The following WDR1 variants were observed in gnomAD, a reference collection of about 807,000 sequenced individuals.
The protein encoded by WDR1 is WD repeat-containing protein 1.
In WDR1, 21 loss-of-function variants were observed where a neutral mutation model predicts 71.9. The observed-to-expected ratio is 0.29, with a 90% CI of 0.21 to 0.42. The LOEUF is 0.42. Among genes scored for constraint, WDR1 ranks in the 10% least tolerant of loss-of-function variants. WDR1 has a pLI of 1.00. For synonymous variants in WDR1, 424 were observed against 347.4 expected, an observed-to-expected ratio of 1.22 and a Z score of -2.45; for missense variants, 696 against 824.5, an observed-to-expected ratio of 0.84 and a Z score of 1.91.
intron 12 of WDR1, 68 bp from the exon 13 acceptor site, chr4:10,077,994 G>C (rs555188179): frequency 1.7e-5 from 25 of 1,466,120 alleles, no homozygotes; most frequent in African/African-American, 2.8e-5. Flanking sequence ...CTTTGTGAAG[G>C]GGGGGTCGAG....
intron 5 of WDR1, chr4:10,091,662 A>T (rs1711994943): frequency 6.6e-6 from 1 of 152,346 alleles, no homozygotes; most frequent in African/African-American, 2.4e-5. Context: ...CTAACTCCGC[A>T]GGCCCATTTG....
intron 2 of WDR1, among the ~76,000 whole-genome samples, chr4:10,108,855 A>G (rs541416474): frequency 6.6e-6 from 1 of 151,938 alleles, no homozygotes; most frequent in East Asian, 1.9e-4. Flanking sequence ...CTGAACCCCC[A>G]CCTTCCCTGA....
chr4:10,075,735 C>A, intron 14 of WDR1: 2 of 559,606 alleles, frequency 3.6e-6, no homozygotes, highest in South Asian at 4.2e-5. Context: ...CCTGGCTCCA[C>A]CTACAGATGC....
At chr4:10,115,987 AG>A in intron 2 of WDR1, 125 bp downstream of exon 2, 2 of 1,323,942 alleles carry the variant, frequency 1.5e-6, no homozygotes, top group Non-Finnish European at 1.0e-6. Flanking sequence ...CTCCCGGTAG[AG>A]GGGGCGTGGC....
chr4:10,088,456 G>C, intron 6 of WDR1, 83 bp from the exon 7 acceptor site: 1 of 1,385,990 alleles, frequency 7.2e-7, no homozygotes, highest in Non-Finnish European at 1.0e-6. Context: ...TGTGGCTGTA[G>C]AAAACCGGGG....
intron 2 of WDR1, among the ~76,000 whole-genome samples, chr4:10,106,123 G>A (rs1031314673): frequency 4.0e-5 from 6 of 151,828 alleles, no homozygotes; most frequent in East Asian, 1.9e-4. Flanking sequence ...TGGCGGGGGC[G>A]GGGGGCACCC....
chr4:10,089,329 A>G (rs551924067), intron 5 of WDR1, among the ~76,000 whole-genome samples: 2 of 152,328 alleles, frequency 1.3e-5, no homozygotes, highest in East Asian at 3.9e-4. Flanking sequence ...GGATGGTCTC[A>G]GTATCCTGAC....
chr4:10,095,700 C>T (rs1712302354), intron 5 of WDR1, among the ~76,000 whole-genome samples: 1 of 152,216 alleles, frequency 6.6e-6, no homozygotes, highest in African/African-American at 2.4e-5. Flanking sequence ...TGAGTCCGCA[C>T]ATGTCTCCTG....
intron 2 of WDR1, among the ~76,000 whole-genome samples, chr4:10,112,340 C>T (rs1171472821): frequency 1.3e-5 from 2 of 152,188 alleles, no homozygotes; most frequent in Non-Finnish European, 2.9e-5. Context: ...CTATCCATCC[C>T]TTCTCCGTGG....
chr4:10,081,449 T>C lies in WDR1; in HGVS notation c.1197-5A>G, dbSNP rs1765010879. The C allele has an allele frequency of 6.8e-6, 11 of 1,613,358 alleles. No homozygotes were observed. Among genetic ancestry groups the C allele is most frequent in the Non-Finnish European group, 8.5e-6 (10 of 1,179,580 alleles). Reference sequence around the variant, plus strand: ...AGTTTCACAACTCCTTGTCCGCTGTTAGAGAGAAAGGAAGCACATTACTTC... The same window carrying C: ...AGTTTCACAACTCCTTGTCCGCTGTCAGAGAGAAAGGAAGCACATTACTTC... On this transcript the variant is annotated splice_polypyrimidine_tract_variant and splice_region_variant and intron_variant, in intron 10 of 14. Transcript: ENST00000499869.
intron 11 of WDR1, among the ~76,000 whole-genome samples, chr4:10,080,633 C>T (rs950364078): frequency 4.6e-5 from 7 of 152,248 alleles, no homozygotes; most frequent in African/African-American, 1.7e-4. Context: ...TTGACTTCCC[C>T]GGTCTACATG....
intron 13 of WDR1, 24 bp downstream of exon 13, chr4:10,077,729 G>A: frequency 1.9e-6 from 3 of 1,549,516 alleles, no homozygotes; most frequent in Non-Finnish European, 2.6e-6. Context: ...CACGGGGACA[G>A]AGGAGGAGCC....
chr4:10,076,502 A>T (rs1355385515), intron 14 of WDR1: 1 of 152,226 alleles, frequency 6.6e-6, no homozygotes, highest in African/African-American at 2.4e-5. Context: ...TCATTCATGA[A>T]CTTGTTTGAT....
intron 5 of WDR1, chr4:10,093,053 AC>A: frequency 1.6e-6 from 2 of 1,289,364 alleles, no homozygotes; most frequent in South Asian, 2.5e-5. Flanking sequence ...CACCGAGGAA[AC>A]CGAGGCTTGA....
At chr4:10,092,651 A>C in intron 5 of WDR1, 1 of 256,430 alleles carries the variant, frequency 3.9e-6, no homozygotes, top group South Asian at 4.4e-5. Flanking sequence ...AAATGCAGAC[A>C]CTGATGTCTG....
At chr4:10,116,524 C>A (rs1345589162) in intron 1 of WDR1, 127 bp downstream of exon 1, 8 of 769,940 alleles carry the variant, frequency 1.0e-5, no homozygotes, top group East Asian at 9.6e-5. Flanking sequence ...CGCCACGCCT[C>A]CGGCCGGCGC....
chr4:10,094,962 G>C (rs555678180), intron 5 of WDR1: 1 of 152,288 alleles, frequency 6.6e-6, no homozygotes, highest in South Asian at 2.1e-4. Context: ...TGGTCCCTCC[G>C]CAGTCATACG....
At chr4:10,081,506 A>G in intron 10 of WDR1, 62 bp from the exon 11 acceptor site, 3 of 1,491,540 alleles carry the variant, frequency 2.0e-6, no homozygotes, top group Non-Finnish European at 2.8e-6. Flanking sequence ...AGGTATGCAT[A>G]CATATTTACT....
chr4:10,089,371 G>C (rs1291070181), intron 5 of WDR1, among the ~76,000 whole-genome samples: 1 of 152,196 alleles, frequency 6.6e-6, no homozygotes, highest in African/African-American at 2.4e-5. Flanking sequence ...CTCCCAAAGT[G>C]CTGGGATTAC....
Sources: allele counts gnomAD v4.1 joint callset (sites outside exome capture counted in the v4.1 genomes callset), GRCh38; gene constraint gnomAD v4.1.1; transcripts MANE v1.5; gene names NCBI Gene and HGNC (gene_info 2026-07-23, HGNC 2026-07-21).